The following GDPD1 variants were observed in gnomAD, a reference collection of about 807,000 sequenced individuals.
The protein encoded by GDPD1 is glycerophosphodiester phosphodiesterase domain containing 1.
Under a neutral mutation model 45.1 loss-of-function variants are expected in GDPD1, and 28 were observed. That is an observed-to-expected ratio of 0.62 (90% CI 0.46 to 0.85). The LOEUF (loss-of-function observed/expected upper bound fraction) is 0.85, where lower values mean the gene tolerates loss of function less well. GDPD1 is among the 40% of genes least tolerant of loss of function. The pLI is 0.00. For synonymous variants in GDPD1, 139 were observed against 131.4 expected (o/e 1.06, Z -0.40); for missense variants, 256 against 364.8 (o/e 0.70, Z 2.43).
At chr17:59,255,112 A>T (rs1763976342) in intron 4 of GDPD1, among the ~76,000 whole-genome samples, 1 of 152,130 alleles carries the variant, frequency 6.6e-6, no homozygotes, top group Non-Finnish European at 1.5e-5. Flanking sequence ...ATTTTCTGAC[A>T]TGGATTTCAT....
At chr17:59,260,966 GC>G (rs2047351074) in intron 6 of GDPD1, 1 of 152,106 alleles carries the variant, frequency 6.6e-6, no homozygotes, top group South Asian at 2.1e-4. Flanking sequence ...TCCCACTAAA[GC>G]AAGTAAGTTT....
chr17:59,234,386 C>CAAAAAAAAA lies in GDPD1; in HGVS notation c.143-106_143-105insAAAAAAAAA. On this transcript the variant is annotated intron_variant, in intron 1 of 9. Transcript: ENST00000284116. ...AAAAAAACACTTGTAATGTCTACCC[C>CAAAAAAAAA]CAAAAAAAAAAAAAAGGTCAAGATT... 2 of 551,828 alleles carry CAAAAAAAAA rather than the reference C, an allele frequency of 3.6e-6. 1 individual carries two copies. Among genetic ancestry groups the CAAAAAAAAA allele is most frequent in the Non-Finnish European group, 6.2e-6 (2 of 323,786 alleles). 34.2% of individuals were successfully genotyped at this position (551,828 alleles called of 1,614,324 possible).
intron 1 of GDPD1, among the ~76,000 whole-genome samples, chr17:59,224,046 T>G (rs2047026523): frequency 6.6e-6 from 1 of 152,194 alleles, no homozygotes; most frequent in Non-Finnish European, 1.5e-5. Context: ...GAGCTTGACA[T>G]CATTTAATTC....
chr17:59,259,600 A>G (rs1478331893), intron 6 of GDPD1, among the ~76,000 whole-genome samples: 7 of 147,228 alleles, frequency 4.8e-5, no homozygotes, highest in African/African-American at 1.5e-4. Flanking sequence ...AATACAAAAA[A>G]TAGCCAGGCG....
intron 2 of GDPD1, among the ~76,000 whole-genome samples, chr17:59,243,129 C>T (rs1432162681): frequency 2.0e-5 from 3 of 151,968 alleles, no homozygotes; most frequent in African/African-American, 7.2e-5. Flanking sequence ...GCAGAGGTTG[C>T]ATTGACCCAA....
chr17:59,244,987 C>G (rs2147886099), intron 2 of GDPD1, among the ~76,000 whole-genome samples: 1 of 152,232 alleles, frequency 6.6e-6, no homozygotes, highest in East Asian at 1.9e-4. Flanking sequence ...CAGAGCAAGA[C>G]TCTGTCTCAA....
At chr17:59,262,172 G>A (rs1445447616) in intron 6 of GDPD1, among the ~76,000 whole-genome samples, 2 of 151,676 alleles carry the variant, frequency 1.3e-5, no homozygotes, top group Non-Finnish European at 2.9e-5. Context: ...CGCCCGCCTC[G>A]GCCTCCCAAA....
intron 3 of GDPD1, among the ~76,000 whole-genome samples, chr17:59,246,982 G>A (rs34694859): frequency 0.081 from 12,350 of 151,868 alleles, 634 homozygotes; most frequent in Middle Eastern, 0.17. Flanking sequence ...TGGCCAGGCT[G>A]GTCTTGAACT....
chr17:59,244,925 G>A (rs545412981), intron 2 of GDPD1, among the ~76,000 whole-genome samples: 4 of 152,262 alleles, frequency 2.6e-5, no homozygotes, highest in African/African-American at 9.6e-5. Flanking sequence ...GAGCCCAGGA[G>A]TTTGAGGATG....
At chr17:59,237,012 C>T (rs780564385) in intron 2 of GDPD1, among the ~76,000 whole-genome samples, 7 of 152,046 alleles carry the variant, frequency 4.6e-5, no homozygotes, top group Non-Finnish European at 1.0e-4. Flanking sequence ...TACAAATATT[C>T]TACTGTTAAC....
intron 7 of GDPD1, among the ~76,000 whole-genome samples, chr17:59,270,527 C>A (rs968442492): frequency 6.6e-6 from 1 of 151,870 alleles, no homozygotes; most frequent in Non-Finnish European, 1.5e-5. Flanking sequence ...AAGGAAAACA[C>A]GTGGTAAACT....
intron 2 of GDPD1, among the ~76,000 whole-genome samples, chr17:59,244,998 AAAAAT>A (rs2047199847): frequency 6.6e-6 from 1 of 152,190 alleles, no homozygotes; most frequent in African/African-American, 2.4e-5. Flanking sequence ...TCTGTCTCAA[AAAAAT>A]AAAATAAATA....
Position 59,267,133 on chromosome 17 carries a change from A to T in GDPD1, c.669A>T (p.Arg223=). 6.2e-7 allele frequency: 1 copy of T among 1,613,992 alleles called. No homozygotes were observed. The highest frequency in any genetic ancestry group is 1.1e-5 in the South Asian group (1 of 91,080). ...GCCTCTTGCCCTTTGTGCCCATTCG[A>T]GAACAGTTTTTTGAAATCCCAATGC... ...FTGLLPFVPI[R]EQFFEIPMPS... The change falls in exon 7 of 10, where the codon CGA becomes CGT. Residue 223 remains arginine (R), a synonymous_variant. Coordinates refer to ENST00000284116, the MANE Select transcript of GDPD1 (RefSeq NM_182569.4).
intron 1 of GDPD1, among the ~76,000 whole-genome samples, chr17:59,226,301 C>CT (rs2147872996): frequency 6.6e-6 from 1 of 151,988 alleles, no homozygotes; most frequent in Admixed American, 6.6e-5. Context: ...CAAGGGCCAA[C>CT]TAGCCTCATC....
At chr17:59,256,089 C>T (rs998150836) in intron 4 of GDPD1, among the ~76,000 whole-genome samples, 15 of 151,504 alleles carry the variant, frequency 9.9e-5, no homozygotes, top group Non-Finnish European at 1.9e-4. Context: ...GAGGCCGAGG[C>T]GGGCAGATCA....
chr17:59,233,577 C>T (rs2047109012), intron 1 of GDPD1, among the ~76,000 whole-genome samples: 1 of 151,612 alleles, frequency 6.6e-6, no homozygotes, highest in South Asian at 2.1e-4. Flanking sequence ...AGACTAAACA[C>T]CTGCCTTTTT....
intron 4 of GDPD1, among the ~76,000 whole-genome samples, chr17:59,255,762 A>AAAT (rs1281572220): frequency 2.3e-4 from 10 of 44,350 alleles, no homozygotes; most frequent in Non-Finnish European, 3.2e-4. Context: ...AAAAAAAAAA[A>AAAT]ATATATATAT....
intron 1 of GDPD1, among the ~76,000 whole-genome samples, chr17:59,232,364 C>T (rs1333535599): frequency 1.3e-5 from 2 of 151,572 alleles, no homozygotes; most frequent in Non-Finnish European, 2.9e-5. Flanking sequence ...GCAGGAGAAT[C>T]GCTTGAACCT....
chr17:59,241,665 A>G (rs576194874), intron 2 of GDPD1, among the ~76,000 whole-genome samples: 7 of 148,524 alleles, frequency 4.7e-5, no homozygotes, highest in South Asian at 2.4e-4. Flanking sequence ...GCCGTGGCTC[A>G]TGGCTGTAAT....
Sources: allele counts gnomAD v4.1 joint callset (sites outside exome capture counted in the v4.1 genomes callset), GRCh38; gene constraint gnomAD v4.1.1; transcripts MANE v1.5; gene names NCBI Gene and HGNC (gene_info 2026-07-23, HGNC 2026-07-21).